The following KCNIP4 variants were observed in gnomAD, a reference collection of about 807,000 sequenced individuals.
KCNIP4 encodes potassium voltage-gated channel interacting protein 4.
In KCNIP4, 12 loss-of-function variants were observed where a neutral mutation model predicts 34.0. The observed-to-expected ratio is 0.35, with a 90% confidence interval of 0.23 to 0.57. The LOEUF (loss-of-function observed/expected upper bound fraction) is 0.57, where lower values mean the gene tolerates loss of function less well. Among genes scored for constraint, KCNIP4 ranks in the 20% least tolerant of loss-of-function variants. The pLI is 0.83. For missense variants in KCNIP4, 238 were observed against 311.7 expected (o/e 0.76, Z 1.78); for synonymous variants, 124 against 102.2 (o/e 1.21, Z -1.29).
At chr4:21,650,919 A>C (rs528018622) in intron 1 of KCNIP4, among the ~76,000 whole-genome samples, 5 of 152,208 alleles carry the variant, frequency 3.3e-5, no homozygotes, top group Admixed American at 6.5e-5. Flanking sequence ...GCATGGGGCC[A>C]CTCAGCTCCT....
intron 1 of KCNIP4, among the ~76,000 whole-genome samples, chr4:20,927,328 G>T (rs749335107): frequency 6.6e-6 from 1 of 152,110 alleles, no homozygotes; most frequent in Admixed American, 6.6e-5. Context: ...TAGGAATGTG[G>T]CTAAATGGCC....
intron 1 of KCNIP4, among the ~76,000 whole-genome samples, chr4:21,106,754 T>C (rs1748582044): frequency 6.6e-6 from 1 of 151,628 alleles, no homozygotes; most frequent in African/African-American, 2.4e-5. Flanking sequence ...AATTTCCCTC[T>C]ACACACTGCT....
Position 20,846,080 on chromosome 4 carries a change from A to G in KCNIP4, c.288+4463T>C, listed in dbSNP as rs192520163. Among the ~76,000 whole-genome samples, 39 of 152,330 alleles carry G rather than the reference A, an allele frequency of 2.6e-4. No individual in the cohort carries two copies. In the South Asian group the frequency reaches 7.7e-3, roughly 30 times the overall value. ...AACATCTTTCTATTTTAGATAAAAA[A>G]AGATAGTAACATAACATTTAATGTC... is the stretch of plus-strand genomic sequence containing the variant. On this transcript the variant is annotated intron_variant, in intron 3 of 8. Coordinates refer to ENST00000382152, the MANE Select transcript of KCNIP4 (RefSeq NM_025221.6).
intron 1 of KCNIP4, among the ~76,000 whole-genome samples, chr4:21,209,536 CA>C (rs1227697147): frequency 1.3e-5 from 2 of 152,064 alleles, no homozygotes; most frequent in Non-Finnish European, 2.9e-5. Flanking sequence ...TGATGCCCTT[CA>C]GTTCCATATT....
At chr4:21,072,083 A>G (rs779838571) in intron 1 of KCNIP4, among the ~76,000 whole-genome samples, 35 of 152,200 alleles carry the variant, frequency 2.3e-4, no homozygotes, top group Non-Finnish European at 3.5e-4. Flanking sequence ...TGCTATTGTG[A>G]ATAGTGCCGC....
intron 1 of KCNIP4, among the ~76,000 whole-genome samples, chr4:21,830,636 T>TGGGTG (rs1722928592): frequency 6.6e-6 from 1 of 152,098 alleles, no homozygotes. Context: ...ATCATGCCAC[T>TGGGTG]ACACTCAAGC....
At chr4:21,178,432 A>G (rs999030697) in intron 1 of KCNIP4, among the ~76,000 whole-genome samples, 7 of 152,142 alleles carry the variant, frequency 4.6e-5, no homozygotes, top group African/African-American at 1.4e-4. Flanking sequence ...ATCTGATGTC[A>G]GTTCCATCGT....
chr4:21,309,755 A>G (rs1712920747), intron 1 of KCNIP4, among the ~76,000 whole-genome samples: 1 of 152,194 alleles, frequency 6.6e-6, no homozygotes, highest in Non-Finnish European at 1.5e-5. Flanking sequence ...GTCTGACTCC[A>G]GTGATCAAGA....
chr4:21,878,199 C>T (rs1055522096), intron 1 of KCNIP4, among the ~76,000 whole-genome samples: 1 of 152,148 alleles, frequency 6.6e-6, no homozygotes, highest in African/African-American at 2.4e-5. Context: ...CCTCAGCCAC[C>T]CAAGTAGCTG....
At chr4:21,838,318 G>A (rs62301387) in intron 1 of KCNIP4, among the ~76,000 whole-genome samples, 10 of 152,106 alleles carry the variant, frequency 6.6e-5, no homozygotes, top group Non-Finnish European at 1.2e-4. Flanking sequence ...TATTCTCATG[G>A]TATTGAAAAA....
chr4:21,109,010 T>TG (rs1210646226), intron 1 of KCNIP4, among the ~76,000 whole-genome samples: 7 of 152,122 alleles, frequency 4.6e-5, no homozygotes, highest in African/African-American at 9.7e-5. Flanking sequence ...CTGCCCCTAC[T>TG]GGGGGGTGCC....
chr4:21,637,872 C>T (rs1286068651), intron 1 of KCNIP4, among the ~76,000 whole-genome samples: 3 of 151,474 alleles, frequency 2.0e-5, no homozygotes, highest in East Asian at 1.9e-4. Context: ...AGTGGCTGAA[C>T]GGCAGTTCAA....
chr4:21,925,742 C>T (rs893536896), intron 1 of KCNIP4, among the ~76,000 whole-genome samples: 5 of 152,104 alleles, frequency 3.3e-5, no homozygotes, highest in Admixed American at 1.3e-4. Flanking sequence ...TTTGGTAATA[C>T]TCATAAAAAT....
intron 1 of KCNIP4, among the ~76,000 whole-genome samples, chr4:21,202,291 A>G (rs1191990980): frequency 6.6e-6 from 1 of 152,252 alleles, no homozygotes; most frequent in East Asian, 1.9e-4. Context: ...ACATGGATGC[A>G]GCTGGAGGCT....
In KCNIP4 at chr4:20,743,173, G is replaced by A. The variant is rs370408038; in HGVS notation, c.429+6489C>T. 2.1e-3 allele frequency among the ~76,000 whole-genome samples: 313 copies of A among 152,140 alleles called. 3 individuals are homozygous for A. Among genetic ancestry groups the A allele is most frequent in the African/African-American group, 2.2e-3 (93 of 41,480 alleles). On this transcript the variant is annotated intron_variant, in intron 5 of 8. Coordinates refer to ENST00000382152, the MANE Select transcript of KCNIP4 (RefSeq NM_025221.6). ...TTCATGGATAGGAAGAATCCATATC[G>A]TGAACATGGCCATACTGCCCAAGGT... is the stretch of plus-strand genomic sequence containing the variant.
chr4:20,989,525 T>C (rs1304065396), intron 1 of KCNIP4, among the ~76,000 whole-genome samples: 1 of 152,154 alleles, frequency 6.6e-6, no homozygotes, highest in Admixed American at 6.5e-5. Context: ...AAATTTCTTC[T>C]CTCAGTCAAT....
At chr4:20,733,285 T>A (rs1443016582) in intron 6 of KCNIP4, among the ~76,000 whole-genome samples, 1 of 152,170 alleles carries the variant, frequency 6.6e-6, no homozygotes, top group East Asian at 1.9e-4. Flanking sequence ...TTAACTTAAG[T>A]CACATGTGAA....
At chr4:21,394,320 CG>C in intron 1 of KCNIP4, among the ~76,000 whole-genome samples, 1 of 152,172 alleles carries the variant, frequency 6.6e-6, no homozygotes, top group South Asian at 2.1e-4. Flanking sequence ...CTCACTTCTT[CG>C]GGGGACAGTC....
intron 1 of KCNIP4, among the ~76,000 whole-genome samples, chr4:21,478,666 C>A (rs17465022): frequency 6.6e-6 from 1 of 152,008 alleles, no homozygotes; most frequent in Non-Finnish European, 1.5e-5. Flanking sequence ...ATGTCTCATT[C>A]CCTTTTAGAT....
Sources: allele counts gnomAD v4.1 joint callset (sites outside exome capture counted in the v4.1 genomes callset), GRCh38; gene constraint gnomAD v4.1.1; transcripts MANE v1.5; gene names NCBI Gene and HGNC (gene_info 2026-07-23, HGNC 2026-07-21).